Variants in PKP1 observed in about 807,000 individuals in gnomAD.
PKP1 encodes plakophilin-1.
PKP1 carries 27 observed loss-of-function variants against 76.4 expected under a neutral mutation model. The ratio of observed to expected loss-of-function variants is 0.35; its 90% CI spans 0.26 to 0.49. The LOEUF (loss-of-function observed/expected upper bound fraction) is 0.49, where lower values mean the gene tolerates loss of function less well. PKP1 is among the 20% of genes least tolerant of loss of function. The pLI, the probability that PKP1 is intolerant of heterozygous loss-of-function variation, is 0.99. For synonymous variants in PKP1, 404 were observed against 384.2 expected (o/e 1.05, Z -0.60); for missense variants, 964 against 955.2 (o/e 1.01, Z -0.12).
intron 9 of PKP1, 75 bp downstream of exon 9, chr1:201,323,264 TC>T: frequency 5.6e-6 from 8 of 1,425,570 alleles, no homozygotes; most frequent in Non-Finnish European, 7.9e-6. Context: ...TCCCTCCTTT[TC>T]CCCCCAGCCT....
intron 1 of PKP1, among the ~76,000 whole-genome samples, chr1:201,293,063 G>A (rs571590763): frequency 6.6e-6 from 1 of 152,316 alleles, no homozygotes; most frequent in Admixed American, 6.5e-5. Context: ...GCCAAGGAGG[G>A]AAGGCAGGTT....
At chr1:201,291,115 T>C (rs1347902018) in intron 1 of PKP1, among the ~76,000 whole-genome samples, 1 of 152,180 alleles carries the variant, frequency 6.6e-6, no homozygotes, top group Non-Finnish European at 1.5e-5. Flanking sequence ...AGCTGTGATT[T>C]CAGGTGTGTG....
chr1:201,283,836 T>A lies in PKP1; in HGVS notation c.134T>A (p.Val45Glu). Residue 45 changes from valine to glutamate, a missense_variant, in exon 1 of 14, where the codon GTG (valine) becomes GAG (glutamate). Val to Glu is a moderately radical substitution (Grantham distance 121). Transcript: ENST00000367324. ...GGCAGGCAGCGCGTGCAGGAGCAGG[T>A]GATGATGACCGTCAAGCGGCAGAAG... The part of the protein sequence containing the change: ...TSGRQRVQEQ[V>E]MMTVKRQKSK... 6.2e-7 allele frequency: 1 copy of A among 1,614,068 alleles called. No individual in the cohort carries two copies. Among genetic ancestry groups the A allele is most frequent in the Non-Finnish European group, 8.5e-7 (1 of 1,179,978 alleles).
Position 201,288,854 on chromosome 1 carries a change from G to A in PKP1, c.202+4950G>A, listed in dbSNP as rs150880020. On this transcript the variant is annotated intron_variant, in intron 1 of 13. Coordinates refer to ENST00000367324, the MANE Select transcript of PKP1 (RefSeq NM_001005337.3). ...GAAAGAGCAGCAGGATTGTGGCAGA[G>A]CTAGGTCTGAACGCGTCCCAGCAGA... is the stretch of plus-strand genomic sequence containing the variant. Among the ~76,000 whole-genome samples, 218 of 152,302 alleles carry A rather than the reference G, an allele frequency of 1.4e-3. 2 individuals carry two copies. Among genetic ancestry groups the A allele is most frequent in the African/African-American group, 5.1e-3 (213 of 41,556 alleles).
At chr1:201,321,283 C>G (rs993189905) in intron 7 of PKP1, among the ~76,000 whole-genome samples, 3 of 152,178 alleles carry the variant, frequency 2.0e-5, no homozygotes, top group Non-Finnish European at 4.4e-5. Context: ...TAACCCCAAG[C>G]CCTGGAAGTC....
In PKP1 at chr1:201,283,821, G is replaced by A; in HGVS notation, c.119G>A (p.Arg40His). 6.2e-7 allele frequency: 1 copy of A among 1,614,122 alleles called. No individual in the cohort carries two copies. Among genetic ancestry groups the A allele is most frequent in the Non-Finnish European group, 8.5e-7 (1 of 1,179,944 alleles). The change falls in exon 1 of 14, where the codon CGC becomes CAC. Residue 40 changes from arginine (R) to histidine (H), a missense_variant. Coordinates refer to ENST00000367324, the MANE Select transcript of PKP1 (RefSeq NM_001005337.3). ...AAAACAGGCACGTCTGGCAGGCAGC[G>A]CGTGCAGGAGCAGGTGATGATGACC... is the stretch of plus-strand genomic sequence containing the variant. ...KMKTGTSGRQ[R>H]VQEQVMMTVK... is the part of the protein sequence containing the mutation.
At chr1:201,291,801 G>A (rs1316667258) in intron 1 of PKP1, among the ~76,000 whole-genome samples, 1 of 152,234 alleles carries the variant, frequency 6.6e-6, no homozygotes, top group Admixed American at 6.5e-5. Flanking sequence ...GTGGAAGGGA[G>A]GCAGACAAGA....
At chr1:201,314,391 G>T (rs182608438) in intron 3 of PKP1, among the ~76,000 whole-genome samples, 166 of 152,322 alleles carry the variant, frequency 1.1e-3, no homozygotes, top group Non-Finnish European at 2.0e-3. Flanking sequence ...AAGCCCGGGA[G>T]GGGGAGGTTG....
Position 201,322,108 on chromosome 1 carries a change from T to G in PKP1, c.1478T>G (p.Phe493Cys), listed in dbSNP as rs918851996. The change falls in exon 8 of 14, where the codon TTC becomes TGC. Residue 493 changes from phenylalanine to cysteine, a missense_variant. Transcript: ENST00000367324. Reference protein sequence around the residue: ...AYTEKSSTGCFSNKSDKMMNN... With the variant: ...AYTEKSSTGCCSNKSDKMMNN... ...ACCGAGAAGTCCTCCACTGGCTGCTTCAGCAACAAGAGCGACAAGATGATG... is the reference window on the plus strand; with the variant it reads ...ACCGAGAAGTCCTCCACTGGCTGCTGCAGCAACAAGAGCGACAAGATGATG... 6.2e-7 allele frequency: 1 copy of G among 1,611,858 alleles called. No homozygotes were observed. Among genetic ancestry groups the G allele is most frequent in the Non-Finnish European group, 8.5e-7 (1 of 1,179,886 alleles).
At chr1:201,309,650 C>T (rs1055576826) in intron 2 of PKP1, among the ~76,000 whole-genome samples, 3 of 152,164 alleles carry the variant, frequency 2.0e-5, no homozygotes, top group African/African-American at 4.8e-5. Flanking sequence ...CTGGGAGAGC[C>T]GGCATTGGCG....
chr1:201,299,397 T>C (rs1391701904), intron 2 of PKP1, among the ~76,000 whole-genome samples: 1 of 152,116 alleles, frequency 6.6e-6, no homozygotes, highest in African/African-American at 2.4e-5. Flanking sequence ...TGGATTCCAG[T>C]CTCAGCTGGG....
chr1:201,290,157 G>A (rs1389366889), intron 1 of PKP1, among the ~76,000 whole-genome samples: 1 of 152,188 alleles, frequency 6.6e-6, no homozygotes, highest in Non-Finnish European at 1.5e-5. Context: ...CTGGTGACCT[G>A]AGCGGTAGAT....
Position 201,283,672 on chromosome 1 carries a change from C to CCCA in PKP1, c.-29_-28insACC. The CCCA allele has an allele frequency of 6.2e-7, 1 of 1,601,406 alleles. No homozygotes were observed. Among genetic ancestry groups the CCCA allele is most frequent in the Non-Finnish European group, 8.5e-7 (1 of 1,172,126 alleles). On this transcript the variant is annotated 5_prime_UTR_variant, in exon 1 of 14. Transcript: ENST00000367324. ...GCCTCGCCTCTCTGCTCTCCTAGGC[C>CCCA]CCGGCCGCGCGCCACCCGCCTCCCG... is the stretch of plus-strand genomic sequence containing the variant.
Position 201,320,363 on chromosome 1 carries a change from C to T in PKP1, c.1329C>T (p.Ala443=). 1 of 1,611,712 alleles carries T rather than the reference C, an allele frequency of 6.2e-7. No homozygotes were observed. The highest frequency in any genetic ancestry group is 8.5e-7 in the Non-Finnish European group (1 of 1,177,758). ...CCTATGTCCAGAACTGTGTAGCGGC[C>T]AGCCGCTGTGACGACAAGGTGAGTG... ...LMAYVQNCVA[A]SRCDDKSVEN... The change falls in exon 7 of 14, where the codon GCC becomes GCT. Residue 443 remains alanine, a synonymous_variant. Transcript: ENST00000367324.
intron 2 of PKP1, among the ~76,000 whole-genome samples, chr1:201,296,894 C>T (rs139515000): frequency 6.6e-6 from 1 of 152,316 alleles, no homozygotes; most frequent in African/African-American, 2.4e-5. Context: ...CCTCACTCCT[C>T]AGATCTGGCT....
intron 2 of PKP1, among the ~76,000 whole-genome samples, chr1:201,306,336 T>C (rs549160481): frequency 1.6e-4 from 25 of 152,318 alleles, no homozygotes; most frequent in African/African-American, 6.0e-4. Context: ...GCTGCACAAG[T>C]GCGTGTTGTC....
At chr1:201,292,393 C>A (rs896578281) in intron 1 of PKP1, among the ~76,000 whole-genome samples, 2 of 152,160 alleles carry the variant, frequency 1.3e-5, no homozygotes, top group Non-Finnish European at 2.9e-5. Context: ...AATATCAACA[C>A]CGCTAGGCCC....
chr1:201,293,629 C>T (rs574525384), intron 1 of PKP1, among the ~76,000 whole-genome samples: 3 of 152,148 alleles, frequency 2.0e-5, no homozygotes, highest in Non-Finnish European at 2.9e-5. Flanking sequence ...GCTCCAAGGC[C>T]CTCCAGACCA....
At chr1:201,304,215 C>T (rs1162238684) in intron 2 of PKP1, among the ~76,000 whole-genome samples, 1 of 152,208 alleles carries the variant, frequency 6.6e-6, no homozygotes, top group Non-Finnish European at 1.5e-5. Flanking sequence ...TTCCTCCCTC[C>T]TCCTCCTTCC....
Sources: gnomAD v4.1 joint callset for allele counts (sites outside exome capture counted in the v4.1 genomes callset) on GRCh38, gnomAD v4.1.1 for gene constraint, MANE v1.5 for transcripts, NCBI Gene and HGNC (gene_info 2026-07-23, HGNC 2026-07-21) for gene names.